The following IFIT5 variants were observed in gnomAD, a reference collection of about 807,000 sequenced individuals.
IFIT5 encodes the protein interferon induced protein with tetratricopeptide repeats 5, also known as interferon-induced protein with tetratricopeptide repeats 5.
In IFIT5, 2 loss-of-function variants were observed where a neutral mutation model predicts 5.0. The ratio of observed to expected loss-of-function variants is 0.40; its 90% CI spans 0.16 to 1.26. IFIT5 has a LOEUF of 1.26. Ranked by LOEUF, IFIT5 falls within the 50% of genes most tolerant of loss-of-function variation. The pLI is 0.33. For synonymous variants in IFIT5, 206 were observed against 204.6 expected (o/e 1.01, Z -0.06); for missense variants, 524 against 563.2 (o/e 0.93, Z 0.70).
Position 89,414,751 on chromosome 10 carries a change from C to CG in IFIT5, c.-47dup. On this transcript the variant is annotated 5_prime_UTR_variant, in exon 1 of 2. Transcript: ENST00000371795. The stretch of plus-strand genomic sequence containing the variant: ...GCGGTCCCCGGTGCTGAGGAGAGAG[C>CG]GATCCGAGGGACTGCGCCGCCCGGA... The CG allele has an allele frequency of 6.3e-7, 1 of 1,599,592 alleles. No homozygotes were observed.
rs1334318982 is a variant in IFIT5 at position 89,414,669 on chromosome 10, G to T, written c.-130G>T. 2 of 1,069,722 alleles carry T rather than the reference G, an allele frequency of 1.9e-6. No individual in the cohort carries two copies. Among genetic ancestry groups the T allele is most frequent in the East Asian group, 3.1e-5 (1 of 32,690 alleles). 66.3% of individuals were successfully genotyped at this position (1,069,722 alleles called of 1,614,324 possible). ...AGACACGCCGCGCGGCCGAGTCCAGGGGCTGCAGAGGCCTGGCGCGCGCAC... is the reference window on the plus strand; with the variant it reads ...AGACACGCCGCGCGGCCGAGTCCAGTGGCTGCAGAGGCCTGGCGCGCGCAC... On this transcript the variant is annotated 5_prime_UTR_variant, in exon 1 of 2. Coordinates refer to ENST00000371795, the MANE Select transcript of IFIT5 (RefSeq NM_012420.3).
chr10:89,414,653 G>A lies in IFIT5; in HGVS notation c.-146G>A, dbSNP rs1841510302. ...GTCTCTCCTTTAACAAAGACACGCC[G>A]CGCGGCCGAGTCCAGGGGCTGCAGA... On this transcript the variant is annotated 5_prime_UTR_variant, in exon 1 of 2. Coordinates refer to ENST00000371795, the MANE Select transcript of IFIT5 (RefSeq NM_012420.3). 2.5e-6 allele frequency: 2 copies of A among 794,528 alleles called. No homozygotes were observed. Among genetic ancestry groups the A allele is most frequent in the Non-Finnish European group, 1.8e-6 (1 of 545,726 alleles). 49.2% of individuals were successfully genotyped at this position (794,528 alleles called of 1,614,324 possible). A position where few individuals can be genotyped will look rare whatever the true frequency, so the allele number is the denominator to read the frequency against.
chr10:89,415,064 C>G (rs1316621777), intron 1 of IFIT5, among the ~76,000 whole-genome samples: 1 of 152,168 alleles, frequency 6.6e-6, no homozygotes, highest in Admixed American at 6.5e-5. Flanking sequence ...CTAAGAAGGC[C>G]GGTCAGGGAG....
chr10:89,414,678 A>G lies in IFIT5; in HGVS notation c.-121A>G, dbSNP rs1240998450. 2.5e-6 allele frequency: 3 copies of G among 1,210,768 alleles called. No individual in the cohort carries two copies. The highest frequency in any genetic ancestry group is 3.3e-6 in the Non-Finnish European group (3 of 905,176). 75.0% of individuals were successfully genotyped at this position (1,210,768 alleles called of 1,614,324 possible). ...GCGCGGCCGAGTCCAGGGGCTGCAG[A>G]GGCCTGGCGCGCGCACGCGCACGCG... On this transcript the variant is annotated 5_prime_UTR_variant, in exon 1 of 2. Transcript: ENST00000371795.
Position 89,417,331 on chromosome 10 carries a change from T to G in IFIT5, c.132T>G (p.Phe44Leu), listed in dbSNP as rs1156823627. ...VEDTIGQQLEFLTTKSRLALY... is the reference protein window; with the variant it reads ...VEDTIGQQLELLTTKSRLALY... Reference sequence around the variant, plus strand: ...ATACAATTGGGCAACAGCTTGAATTTCTTACCACAAAATCTAGACTTGCTC... The same window carrying G: ...ATACAATTGGGCAACAGCTTGAATTGCTTACCACAAAATCTAGACTTGCTC... Residue 44 changes from phenylalanine (F) to leucine (L), a missense_variant, in exon 2 of 2, where the codon TTT becomes TTG. Coordinates refer to ENST00000371795, the MANE Select transcript of IFIT5 (RefSeq NM_012420.3). The G allele has an allele frequency of 6.2e-7, 1 of 1,614,210 alleles. No homozygotes were observed.
At chr10:89,416,175 A>C (rs1017300094) in intron 1 of IFIT5, among the ~76,000 whole-genome samples, 1 of 143,568 alleles carries the variant, frequency 7.0e-6, no homozygotes. Flanking sequence ...CACCCGCCTC[A>C]GCCTCCCAAA....
In IFIT5 at chr10:89,420,478, T is replaced by C. The variant is rs771021774; in HGVS notation, c.*1830T>C. On this transcript the variant is annotated 3_prime_UTR_variant, in exon 2 of 2. Transcript: ENST00000371795. The stretch of plus-strand genomic sequence containing the variant: ...ATTAAGCGGTTACTCAGACAGTTAA[T>C]CATAGAAAAGATTATTTGCTTCATC... 18 of 152,198 alleles carry C rather than the reference T, an allele frequency of 1.2e-4. No individual in the cohort carries two copies. The highest frequency in any genetic ancestry group is 3.2e-3 in the Middle Eastern group (1 of 316). The allele number at this position is 152,198 out of a possible 1,614,324, so 9.4% of individuals were successfully genotyped here. A position where few individuals can be genotyped will look rare whatever the true frequency, so the allele number is the denominator to read the frequency against.
At chr10:89,416,955 A>G (rs1025924316) in intron 1 of IFIT5, among the ~76,000 whole-genome samples, 4 of 152,218 alleles carry the variant, frequency 2.6e-5, no homozygotes, top group Non-Finnish European at 4.4e-5. Flanking sequence ...AAATAGATAC[A>G]TGTAATACAG....
Position 89,418,456 on chromosome 10 carries a change from T to G in IFIT5, c.1257T>G (p.Ala419=), listed in dbSNP as rs775007434. Residue 419 remains alanine (A), a synonymous_variant, in exon 2 of 2, where the codon GCT becomes GCG. Coordinates refer to ENST00000371795, the MANE Select transcript of IFIT5 (RefSeq NM_012420.3). ...RSPLRTKLTS[A]LKKLSTKRLC... is the part of the protein sequence containing the mutation. ...CCCTTCGCACCAAACTGACAAGTGCTCTGAAGAAATTGTCTACCAAGAGAC... is the reference window on the plus strand; with the variant it reads ...CCCTTCGCACCAAACTGACAAGTGCGCTGAAGAAATTGTCTACCAAGAGAC... The G allele has an allele frequency of 1.5e-5, 25 of 1,614,204 alleles. No homozygotes were observed. In the East Asian group the frequency reaches 5.6e-4, roughly 36 times the overall value.
intron 1 of IFIT5, among the ~76,000 whole-genome samples, chr10:89,415,278 C>A (rs1054420107): frequency 6.6e-6 from 1 of 152,258 alleles, no homozygotes; most frequent in East Asian, 1.9e-4. Flanking sequence ...GCAGAGCCCC[C>A]AGGCGCTGTT....
rs1439847409 is a variant in IFIT5, at chr10:89,417,785, G to A, written c.586G>A (p.Val196Ile). 6.2e-7 allele frequency: 1 copy of A among 1,614,198 alleles called. No homozygotes were observed. Among genetic ancestry groups the A allele is most frequent in the Non-Finnish European group, 8.5e-7 (1 of 1,180,028 alleles). The change falls in exon 2 of 2, where the codon GTA (valine) becomes ATA (isoleucine). Residue 196 changes from valine (V) to isoleucine (I), a missense_variant. Val to Ile is a conservative substitution (Grantham distance 29). Transcript: ENST00000371795. Reference sequence around the variant, plus strand: ...GGATGATTCTGATAGAGAAGGGTCTGTAAAGAGCTTTTCTCTGGGGCCTTT... The same window carrying A: ...GGATGATTCTGATAGAGAAGGGTCTATAAAGAGCTTTTCTCTGGGGCCTTT... ...RLDDSDREGS[V>I]KSFSLGPLRK... is the part of the protein sequence containing the mutation.
Position 89,418,709 on chromosome 10 carries a change from T to C in IFIT5, c.*61T>C. ...CTTCATTTTGGGTTCTCCTGTTTGT[T>C]TTTTTTTTATTATTTTAATCCCTTG... is the stretch of plus-strand genomic sequence containing the variant. On this transcript the variant is annotated 3_prime_UTR_variant, in exon 2 of 2. Transcript: ENST00000371795. The C allele has an allele frequency of 6.8e-7, 1 of 1,464,524 alleles. No homozygotes were observed. Among genetic ancestry groups the C allele is most frequent in the South Asian group, 1.4e-5 (1 of 71,878 alleles). 90.7% of individuals were successfully genotyped at this position (1,464,524 alleles called of 1,614,324 possible). A position where few individuals can be genotyped will look rare whatever the true frequency, so the allele number is the denominator to read the frequency against.
Position 89,420,015 on chromosome 10 carries a change from C to T in IFIT5, c.*1367C>T, listed in dbSNP as rs1841582823. 1 of 101,506 alleles carries T rather than the reference C, an allele frequency of 9.9e-6. No homozygotes were observed. The highest frequency in any genetic ancestry group is 1.8e-5 in the Non-Finnish European group (1 of 55,334). The allele number at this position is 101,506 out of a possible 1,614,324, so 6.3% of individuals were successfully genotyped here. A position where few individuals can be genotyped will look rare whatever the true frequency, so the allele number is the denominator to read the frequency against. On this transcript the variant is annotated 3_prime_UTR_variant, in exon 2 of 2. Transcript: ENST00000371795. The stretch of plus-strand genomic sequence containing the variant: ...TTATTATAAAAATAATGAATTCTCA[C>T]TGTAAATTTCAAAAAAAAATTACAA...
Position 89,418,222 on chromosome 10 carries a change from C to A in IFIT5, c.1023C>A (p.Tyr341Ter), listed in dbSNP as rs755743504. 2 of 1,614,218 alleles carry A rather than the reference C, an allele frequency of 1.2e-6. No homozygotes were observed. Among genetic ancestry groups the A allele is most frequent in the Non-Finnish European group, 1.7e-6 (2 of 1,180,028 alleles). The part of the protein sequence containing the change: ...MERDSMFAFA[Y>*]TDLANMYAEG... The stretch of plus-strand genomic sequence containing the variant: ...GAGACTCTATGTTTGCATTTGCCTA[C>A]ACAGACCTGGCCAACATGTACGCTG... Residue 341 changes from tyrosine (Y) to a stop codon, truncating the protein, a stop_gained, in exon 2 of 2, where the codon TAC becomes TAA. Coordinates refer to ENST00000371795, the MANE Select transcript of IFIT5 (RefSeq NM_012420.3). LOFTEE classifies it low-confidence loss of function (END_TRUNC).
chr10:89,414,624 T>TG lies in IFIT5; in HGVS notation c.-171dup, dbSNP rs1056057254. 1.3e-5 allele frequency: 7 copies of TG among 547,126 alleles called. No homozygotes were observed. Among genetic ancestry groups the TG allele is most frequent in the Non-Finnish European group, 2.1e-5 (7 of 327,304 alleles). The allele number at this position is 547,126 out of a possible 1,614,324, so 33.9% of individuals were successfully genotyped here. On this transcript the variant is annotated 5_prime_UTR_variant, in exon 1 of 2. Coordinates refer to ENST00000371795, the MANE Select transcript of IFIT5 (RefSeq NM_012420.3). ...TCCAGTTTCCTGTTCTTGCTGGGGC[T>TG]GGGGTCTCTCCTTTAACAAAGACAC...
rs773652579 is a variant in IFIT5, at chr10:89,417,830, A to C, written c.631A>C (p.Asn211His). The change falls in exon 2 of 2, where the codon AAC (asparagine) becomes CAC (histidine). Residue 211 changes from asparagine (N) to histidine (H), a missense_variant. Coordinates refer to ENST00000371795, the MANE Select transcript of IFIT5 (RefSeq NM_012420.3). ...LGPLRKAVTL[N>H]PDNSYIKVFL... ...GCCTTTGAGAAAGGCTGTTACCCTG[A>C]ACCCAGATAACAGCTATATTAAGGT... 6.2e-7 allele frequency: 1 copy of C among 1,614,214 alleles called. No individual in the cohort carries two copies. Among genetic ancestry groups the C allele is most frequent in the Non-Finnish European group, 8.5e-7 (1 of 1,180,030 alleles).
chr10:89,418,157 A>G lies in IFIT5; in HGVS notation c.958A>G (p.Ile320Val), dbSNP rs747098320. The G allele has an allele frequency of 1.4e-5, 23 of 1,614,214 alleles. 1 individual carries two copies. In the Admixed American group the frequency reaches 3.7e-4, roughly 26 times the overall value. The part of the protein sequence containing the change: ...GKDKLKVDEL[I>V]SSAIFHFKAA... ...GGATAAACTAAAGGTTGATGAGCTGATTTCATCTGCTATATTTCATTTCAA... is the reference window on the plus strand; with the variant it reads ...GGATAAACTAAAGGTTGATGAGCTGGTTTCATCTGCTATATTTCATTTCAA... Residue 320 changes from isoleucine (I) to valine (V), a missense_variant, in exon 2 of 2, where the codon ATT becomes GTT. Physicochemically the swap from Ile to Val is conservative, Grantham distance 29 (BLOSUM62 3). Coordinates refer to ENST00000371795, the MANE Select transcript of IFIT5 (RefSeq NM_012420.3).
Position 89,418,635 on chromosome 10 carries a change from G to A in IFIT5, c.1436G>A (p.Arg479Gln), listed in dbSNP as rs756634022. The change falls in exon 2 of 2, where the codon CGA (arginine) becomes CAA (glutamine). Residue 479 changes from arginine (R) to glutamine (Q), a missense_variant. Coordinates refer to ENST00000371795, the MANE Select transcript of IFIT5 (RefSeq NM_012420.3). Reference protein sequence around the residue: ...AEFLTALCELRLSI With the variant: ...AEFLTALCELQLSI ...TTCCTGACTGCTCTCTGTGAGCTCCGACTTTCCATTTAAATACATACTCTA... is the reference window on the plus strand; with the variant it reads ...TTCCTGACTGCTCTCTGTGAGCTCCAACTTTCCATTTAAATACATACTCTA... 1.4e-5 allele frequency: 22 copies of A among 1,608,682 alleles called. No homozygotes were observed. The East Asian group carries it at 1.8e-4, about 13-fold the overall frequency.
Position 89,419,286 on chromosome 10 carries a change from A to T in IFIT5, c.*638A>T, listed in dbSNP as rs969396068. 1 of 152,174 alleles carries T rather than the reference A, an allele frequency of 6.6e-6. No individual in the cohort carries two copies. The highest frequency in any genetic ancestry group is 1.5e-5 in the Non-Finnish European group (1 of 68,006). 9.4% of individuals were successfully genotyped at this position (152,174 alleles called of 1,614,324 possible). A position where few individuals can be genotyped will look rare whatever the true frequency, so the allele number is the denominator to read the frequency against. On this transcript the variant is annotated 3_prime_UTR_variant, in exon 2 of 2. Coordinates refer to ENST00000371795, the MANE Select transcript of IFIT5 (RefSeq NM_012420.3). ...GTAACTTCAGGGATTCAATCCCCAAATGTTTATTAAGTAGCTAGAAATAAT... is the reference window on the plus strand; with the variant it reads ...GTAACTTCAGGGATTCAATCCCCAATTGTTTATTAAGTAGCTAGAAATAAT...
Sources: gnomAD v4.1 joint callset for allele counts (sites outside exome capture counted in the v4.1 genomes callset) on GRCh38, gnomAD v4.1.1 for gene constraint, MANE v1.5 for transcripts, NCBI Gene and HGNC (gene_info 2026-07-23, HGNC 2026-07-21) for gene names.